The following CWC22 variants were observed in gnomAD, a reference collection of about 807,000 sequenced individuals.
CWC22 encodes pre-mRNA-splicing factor CWC22 homolog.
CWC22 carries 53 observed loss-of-function variants against 117.2 expected under a neutral mutation model. The observed-to-expected ratio is 0.45, with a 90% confidence interval of 0.36 to 0.57. The LOEUF (loss-of-function observed/expected upper bound fraction) is 0.57. Ranked by LOEUF, CWC22 falls within the 20% of genes least tolerant of loss-of-function variation. The probability of loss-of-function intolerance (pLI) is 0.00; values close to 1 mark genes in which losing one functional copy is unlikely to be tolerated. For synonymous variants in CWC22, 360 were observed against 355.6 expected (o/e 1.01, Z -0.14); for missense variants, 980 against 1,068.8 (o/e 0.92, Z 1.16).
intron 13 of CWC22, among the ~76,000 whole-genome samples, chr2:179,959,654 C>G (rs1428681503): frequency 1.3e-5 from 2 of 152,088 alleles, no homozygotes; most frequent in African/African-American, 4.8e-5. Context: ...TGCCCCTATG[C>G]TACAAACCTG....
intron 17 of CWC22, 87 bp downstream of exon 17, chr2:179,952,384 T>C (rs1046382119): frequency 1.0e-4 from 96 of 933,562 alleles, no homozygotes; most frequent in Non-Finnish European, 1.4e-4. Flanking sequence ...AGCTCTTGTT[T>C]TTACAGTCTC....
In CWC22 at chr2:179,978,308, G is replaced by A; in HGVS notation, c.463C>T (p.Gln155Ter). 1 of 1,499,208 alleles carries A rather than the reference G, an allele frequency of 6.7e-7. No homozygotes were observed. The highest frequency in any genetic ancestry group is 1.4e-5 in the South Asian group (1 of 70,344). The allele number at this position is 1,499,208 out of a possible 1,614,324, so 92.9% of individuals were successfully genotyped here. A position where few individuals can be genotyped will look rare whatever the true frequency, so the allele number is the denominator to read the frequency against. Residue 155 changes from glutamine to a stop codon, truncating the protein, a stop_gained, in exon 6 of 20, where the codon CAG becomes TAG. Coordinates refer to ENST00000410053, the MANE Select transcript of CWC22 (RefSeq NM_020943.3). LOFTEE classifies it high-confidence loss of function. ...QITDKNSLAY[Q>*]RMSWEALKKS... ...TTCAGGGCCTCCCAACTCATCCTCT[G>A]GTATGCTAAGCTAAAAAGAAGTGAT...
intron 13 of CWC22, among the ~76,000 whole-genome samples, chr2:179,962,553 T>A (rs1217500856): frequency 1.3e-5 from 2 of 152,204 alleles, no homozygotes; most frequent in Non-Finnish European, 1.5e-5. Context: ...TTTGCTCACA[T>A]TTAAAACAAT....
chr2:179,974,378 G>A (rs1282835692), intron 6 of CWC22, among the ~76,000 whole-genome samples: 1 of 152,136 alleles, frequency 6.6e-6, no homozygotes, highest in East Asian at 1.9e-4. Context: ...GAAATTAAAA[G>A]GTACCTACTT....
At chr2:179,951,417 G>A (rs1686446110) in intron 17 of CWC22, among the ~76,000 whole-genome samples, 1 of 148,096 alleles carries the variant, frequency 6.8e-6, no homozygotes, top group African/African-American at 2.4e-5. Flanking sequence ...CAATATATAT[G>A]GAGTGAGACA....
intron 19 of CWC22, among the ~76,000 whole-genome samples, chr2:179,947,893 T>G (rs1483411268): frequency 6.6e-6 from 1 of 152,050 alleles, no homozygotes; most frequent in Non-Finnish European, 1.5e-5. Context: ...CAAAACAAAA[T>G]GAGAAATGAC....
intron 4 of CWC22, among the ~76,000 whole-genome samples, chr2:179,984,036 T>C (rs932916540): frequency 1.3e-5 from 2 of 152,144 alleles, no homozygotes; most frequent in African/African-American, 4.8e-5. Flanking sequence ...TTAGCCTTTA[T>C]GTTCTGCATA....
At chr2:179,969,742 C>T (rs1686983394) in intron 11 of CWC22, among the ~76,000 whole-genome samples, 1 of 152,018 alleles carries the variant, frequency 6.6e-6, no homozygotes, top group Admixed American at 6.6e-5. Flanking sequence ...AATACTTCTC[C>T]AGTAAAATTA....
chr2:179,963,496 C>A (rs1336735304), intron 13 of CWC22, among the ~76,000 whole-genome samples: 2 of 151,044 alleles, frequency 1.3e-5, no homozygotes, highest in East Asian at 3.9e-4. Context: ...GCGCCCGCTA[C>A]CACGCCCGGC....
At chr2:179,990,608 AGAG>A (rs1160782335) in intron 2 of CWC22, among the ~76,000 whole-genome samples, 2 of 152,124 alleles carry the variant, frequency 1.3e-5, no homozygotes, top group African/African-American at 2.4e-5. Flanking sequence ...GGGAGAGGAG[AGAG>A]GAGAAGACAG....
At chr2:179,952,947 T>G (rs1425067869) in intron 16 of CWC22, among the ~76,000 whole-genome samples, 1 of 152,060 alleles carries the variant, frequency 6.6e-6, no homozygotes, top group Non-Finnish European at 1.5e-5. Flanking sequence ...TGGGGCAAAA[T>G]GCCACTTAGC....
At chr2:179,965,582 G>C (rs1454860041) in intron 12 of CWC22, among the ~76,000 whole-genome samples, 1 of 152,128 alleles carries the variant, frequency 6.6e-6, no homozygotes. Context: ...TATAATCAAA[G>C]GCATAATATA....
chr2:180,003,838 A>G (rs955889946), intron 1 of CWC22, among the ~76,000 whole-genome samples: 6 of 152,072 alleles, frequency 3.9e-5, no homozygotes, highest in African/African-American at 9.7e-5. Context: ...GGCAGCCCAT[A>G]CCCCGTTTTT....
At chr2:179,966,511 A>G (rs750115365) in intron 11 of CWC22, among the ~76,000 whole-genome samples, 3 of 152,234 alleles carry the variant, frequency 2.0e-5, no homozygotes, top group Non-Finnish European at 4.4e-5. Context: ...TAAATTGAAC[A>G]TTACAATAAA....
chr2:179,979,139 G>A (rs565577949), intron 5 of CWC22, among the ~76,000 whole-genome samples: 2 of 152,252 alleles, frequency 1.3e-5, no homozygotes, highest in African/African-American at 4.8e-5. Flanking sequence ...CTCTCGGGAA[G>A]TCTGGTGAAA....
intron 1 of CWC22, among the ~76,000 whole-genome samples, chr2:179,999,215 T>C (rs1275232426): frequency 6.6e-6 from 1 of 152,194 alleles, no homozygotes. Context: ...AACATATGCA[T>C]GCTAATACTT....
intron 4 of CWC22, among the ~76,000 whole-genome samples, chr2:179,984,133 T>C (rs1687356049): frequency 6.6e-6 from 1 of 152,126 alleles, no homozygotes; most frequent in Non-Finnish European, 1.5e-5. Context: ...AGAGTTATAC[T>C]GAAGTACAAC....
chr2:179,994,202 G>T (rs1405542556), intron 1 of CWC22, among the ~76,000 whole-genome samples: 4 of 152,088 alleles, frequency 2.6e-5, no homozygotes, highest in African/African-American at 9.7e-5. Context: ...ATGGTTTATA[G>T]TATAAGGCAC....
intron 1 of CWC22, among the ~76,000 whole-genome samples, chr2:180,000,103 T>C (rs1471179226): frequency 6.6e-6 from 1 of 152,214 alleles, no homozygotes; most frequent in Admixed American, 6.5e-5. Flanking sequence ...AACTTACTTG[T>C]TTTAGAAAAA....
Sources: gnomAD v4.1 joint callset for allele counts (sites outside exome capture counted in the v4.1 genomes callset) on GRCh38, gnomAD v4.1.1 for gene constraint, MANE v1.5 for transcripts, NCBI Gene and HGNC (gene_info 2026-07-23, HGNC 2026-07-21) for gene names.